The following USH2A variants were observed in gnomAD, a reference collection of about 807,000 sequenced individuals.
USH2A encodes the protein usherin, also known as Usher syndrome 2A (autosomal recessive, mild).
USH2A carries 443 observed loss-of-function variants against 538.9 expected under a neutral mutation model. That is an observed-to-expected ratio of 0.82 (90% CI 0.76 to 0.89). USH2A has a LOEUF of 0.89. Ranked by LOEUF, USH2A falls within the 40% of genes least tolerant of loss-of-function variation. The probability of loss-of-function intolerance (pLI) is 0.00; values close to 1 mark genes in which losing one functional copy is unlikely to be tolerated. For synonymous variants in USH2A, 2,413 were observed against 2,273.5 expected (o/e 1.06, Z -1.75); for missense variants, 6,633 against 6,324.8 (o/e 1.05, Z -1.65).
chr1:215,829,056 C>T (rs190757570), intron 47 of USH2A, among the ~76,000 whole-genome samples: 117 of 152,006 alleles, frequency 7.7e-4, no homozygotes, highest in African/African-American at 2.7e-3. Flanking sequence ...AATGAACTAC[C>T]CAGGGCACAT....
chr1:215,651,158 C>CA (rs981840843), intron 64 of USH2A, among the ~76,000 whole-genome samples: 29 of 152,156 alleles, frequency 1.9e-4, no homozygotes, highest in African/African-American at 6.7e-4. Flanking sequence ...CTGCAGACTA[C>CA]AAAAAACTCA....
At chr1:216,360,753 C>T (rs185786893) in intron 4 of USH2A, among the ~76,000 whole-genome samples, 2 of 151,992 alleles carry the variant, frequency 1.3e-5, no homozygotes, top group African/African-American at 2.4e-5. Flanking sequence ...TTGAACAAGT[C>T]TAACAAATAG....
intron 36 of USH2A, among the ~76,000 whole-genome samples, chr1:215,970,348 G>T (rs1367440033): frequency 1.3e-5 from 2 of 151,990 alleles, no homozygotes; most frequent in African/African-American, 4.8e-5. Context: ...CACTAAATTA[G>T]GAAAAATTTC....
chr1:216,248,060 T>G (rs2036087726), intron 12 of USH2A, among the ~76,000 whole-genome samples: 1 of 152,128 alleles, frequency 6.6e-6, no homozygotes, highest in African/African-American at 2.4e-5. Context: ...TTTTGTATGC[T>G]CCTCTATTTT....
rs115254612 is a variant in USH2A, at chr1:215,962,848, T to C, written c.7120+2469A>G. 8.8e-3 allele frequency among the ~76,000 whole-genome samples: 1,346 copies of C among 152,242 alleles called. 12 individuals are homozygous for C. Among genetic ancestry groups the C allele is most frequent in the South Asian group, 0.023 (110 of 4,826 alleles). ...AACAATTTTTAAGAAAAATCACACT[T>C]TGATACGTGCCACTTCACTTGTTGT... is the stretch of plus-strand genomic sequence containing the variant. On this transcript the variant is annotated intron_variant, in intron 37 of 71. Coordinates refer to ENST00000307340, the MANE Select transcript of USH2A (RefSeq NM_206933.4).
chr1:216,127,244 G>T (rs939742835), intron 21 of USH2A, among the ~76,000 whole-genome samples: 1 of 152,180 alleles, frequency 6.6e-6, no homozygotes, highest in East Asian at 1.9e-4. Context: ...CTTCTTAACG[G>T]CATTAGAATT....
chr1:216,066,329 G>A (rs951130170), intron 30 of USH2A, among the ~76,000 whole-genome samples: 13 of 152,034 alleles, frequency 8.6e-5, no homozygotes, highest in East Asian at 1.9e-4. Context: ...AAAATTACCC[G>A]GGCGTGGAGG....
In USH2A at chr1:215,675,028, T is replaced by C. The variant is rs137868043; in HGVS notation, c.12883A>G (p.Ile4295Val). The C allele has an allele frequency of 7.7e-5, 125 of 1,614,182 alleles. No individual in the cohort carries two copies. The African/African-American group carries it at 1.4e-3, about 18-fold the overall frequency. Residue 4295 changes from isoleucine to valine, a missense_variant, in exon 63 of 72, where the codon ATC becomes GTC. Ile to Val is a conservative substitution (Grantham distance 29). Transcript: ENST00000307340. Reference sequence around the variant, plus strand: ...TTCCTTTGAAGCCTATAGGACTGGATAATACCATTAGACTGTTCTGGTGGG... The same window carrying C: ...TTCCTTTGAAGCCTATAGGACTGGACAATACCATTAGACTGTTCTGGTGGG... The part of the protein sequence containing the change: ...WIPPEQSNGI[I>V]QSYRLQRNEM...
chr1:215,732,800 C>T (rs960998801), intron 60 of USH2A, among the ~76,000 whole-genome samples: 5 of 151,920 alleles, frequency 3.3e-5, no homozygotes, highest in Non-Finnish European at 5.9e-5. Flanking sequence ...TTCAGCCTCC[C>T]AAAGTGCTGG....
At chr1:216,063,471 T>C (rs1308531272) in intron 30 of USH2A, among the ~76,000 whole-genome samples, 2 of 152,164 alleles carry the variant, frequency 1.3e-5, no homozygotes, top group African/African-American at 2.4e-5. Flanking sequence ...CTTCTACCTA[T>C]GTCCTTGATG....
At chr1:216,072,854 T>C in intron 29 of USH2A, 35 bp downstream of exon 29, 1 of 1,489,436 alleles carries the variant, frequency 6.7e-7, no homozygotes, top group Non-Finnish European at 9.4e-7. Context: ...TGCATGTGTG[T>C]GTGTGCACAT....
At chr1:215,951,955 C>T (rs1442392632) in intron 37 of USH2A, among the ~76,000 whole-genome samples, 1 of 151,540 alleles carries the variant, frequency 6.6e-6, no homozygotes, top group Non-Finnish European at 1.5e-5. Context: ...AGCTCCGCTT[C>T]CCGGGTTCAC....
chr1:216,127,161 A>T (rs557304388), intron 21 of USH2A, among the ~76,000 whole-genome samples: 1 of 152,342 alleles, frequency 6.6e-6, no homozygotes, highest in South Asian at 2.1e-4. Flanking sequence ...ACAGCATTGC[A>T]CTAATAGTAT....
chr1:216,335,779 T>C (rs2037957687), intron 4 of USH2A, among the ~76,000 whole-genome samples: 1 of 151,488 alleles, frequency 6.6e-6, no homozygotes, highest in South Asian at 2.1e-4. Flanking sequence ...AATTAGTAAT[T>C]TTTTAAAAAT....
intron 3 of USH2A, among the ~76,000 whole-genome samples, chr1:216,371,619 A>G (rs1361579229): frequency 6.6e-6 from 1 of 152,136 alleles, no homozygotes; most frequent in African/African-American, 2.4e-5. Flanking sequence ...TATCTATGTT[A>G]TATTTCATCT....
At chr1:215,795,197 A>T (rs1246837398) in intron 50 of USH2A, among the ~76,000 whole-genome samples, 4 of 152,158 alleles carry the variant, frequency 2.6e-5, no homozygotes, top group Admixed American at 6.5e-5. Context: ...ACCTCCTGTA[A>T]ACCAAAGCAC....
At chr1:216,280,893 C>T (rs912972149) in intron 11 of USH2A, among the ~76,000 whole-genome samples, 2 of 152,168 alleles carry the variant, frequency 1.3e-5, no homozygotes, top group Non-Finnish European at 2.9e-5. Context: ...GAACTACTGC[C>T]TAATTTCCTT....
At chr1:216,405,973 A>G (rs1489357362) in intron 3 of USH2A, among the ~76,000 whole-genome samples, 1 of 152,208 alleles carries the variant, frequency 6.6e-6, no homozygotes, top group African/African-American at 2.4e-5. Context: ...CATTTTGAAA[A>G]GACCAAATTT....
At chr1:216,047,361 A>G (rs1312524793) in intron 31 of USH2A, among the ~76,000 whole-genome samples, 1 of 152,176 alleles carries the variant, frequency 6.6e-6, no homozygotes, top group Non-Finnish European at 1.5e-5. Context: ...CATTTGTCCC[A>G]TATTGAGGCT....
Sources: allele counts gnomAD v4.1 joint callset (sites outside exome capture counted in the v4.1 genomes callset), GRCh38; gene constraint gnomAD v4.1.1; transcripts MANE v1.5; gene names NCBI Gene and HGNC (gene_info 2026-07-23, HGNC 2026-07-21).